Variants in THRB observed in about 807,000 individuals in gnomAD.
THRB encodes the protein nuclear receptor subfamily 1 group A member 2.
A neutral mutation model predicts 47.8 loss-of-function variants in THRB; 12 were observed. The observed-to-expected ratio is 0.25, with a 90% CI of 0.16 to 0.41. THRB has a LOEUF of 0.41. Ranked by LOEUF, THRB falls within the 10% of genes least tolerant of loss-of-function variation. The pLI is 1.00. For missense variants in THRB, 348 were observed against 589.2 expected (o/e 0.59, Z 4.24); for synonymous variants, 218 against 212.2 (o/e 1.03, Z -0.24).
chr3:24,306,396 T>C (rs2057337341), intron 2 of THRB, among the ~76,000 whole-genome samples: 1 of 152,202 alleles, frequency 6.6e-6, no homozygotes. Context: ...AGGGCTCTGG[T>C]TCCTCACAGT....
intron 3 of THRB, among the ~76,000 whole-genome samples, chr3:24,285,569 A>G (rs1262441030): frequency 6.6e-6 from 1 of 151,454 alleles, no homozygotes; most frequent in Admixed American, 6.6e-5. Context: ...GTACCCTAAA[A>G]CTTAAAGTAT....
At chr3:24,186,678 G>A (rs770686976) in intron 5 of THRB, among the ~76,000 whole-genome samples, 1 of 152,152 alleles carries the variant, frequency 6.6e-6, no homozygotes, top group African/African-American at 2.4e-5. Context: ...GGGTGCAGTG[G>A]CTCATGCCTG....
rs115346667 is a variant in THRB, at chr3:24,482,201, G to A, written c.-261+12451C>T. Among the ~76,000 whole-genome samples the A allele has an allele frequency of 4.5e-3, 692 of 152,228 alleles. 5 individuals carry two copies. Among genetic ancestry groups the A allele is most frequent in the African/African-American group, 0.015 (610 of 41,528 alleles). On this transcript the variant is annotated intron_variant, in intron 1 of 10. Coordinates refer to ENST00000646209, the MANE Select transcript of THRB (RefSeq NM_001354712.2). ...CAACAAAATTAATTTTACTACTTCC[G>A]TAATAATGAAATAGTAATAAAATTG...
At chr3:24,268,921 T>C (rs533434508) in intron 3 of THRB, among the ~76,000 whole-genome samples, 123 of 152,334 alleles carry the variant, frequency 8.1e-4, no homozygotes, top group African/African-American at 2.7e-3. Flanking sequence ...GAAAATTTCT[T>C]ACATACTTTT....
intron 1 of THRB, among the ~76,000 whole-genome samples, chr3:24,415,588 T>C (rs2068668772): frequency 6.6e-6 from 1 of 151,896 alleles, no homozygotes; most frequent in African/African-American, 2.4e-5. Flanking sequence ...GGACTGTTAC[T>C]GAACAATTTT....
chr3:24,363,603 A>T (rs970097607), intron 1 of THRB, among the ~76,000 whole-genome samples: 7 of 152,176 alleles, frequency 4.6e-5, no homozygotes, highest in African/African-American at 1.7e-4. Context: ...ATCAAAAAAA[A>T]TTTTTCAAAC....
intron 3 of THRB, among the ~76,000 whole-genome samples, chr3:24,234,620 C>T (rs953006882): frequency 3.3e-5 from 5 of 152,174 alleles, no homozygotes; most frequent in African/African-American, 1.2e-4. Context: ...GAGCCCACTC[C>T]TGCAAGGCTT....
intron 1 of THRB, among the ~76,000 whole-genome samples, chr3:24,462,565 G>A (rs1175372656): frequency 6.6e-6 from 1 of 152,164 alleles, no homozygotes; most frequent in African/African-American, 2.4e-5. Context: ...ACATAGTAAA[G>A]AAATCAATTT....
At chr3:24,144,037 A>G in intron 7 of THRB, 1 of 355,080 alleles carries the variant, frequency 2.8e-6, no homozygotes, top group East Asian at 6.2e-5. Flanking sequence ...TACTACCCAC[A>G]AGATCACAGA....
At chr3:24,465,765 A>C (rs1275630392) in intron 1 of THRB, among the ~76,000 whole-genome samples, 1 of 152,144 alleles carries the variant, frequency 6.6e-6, no homozygotes, top group Non-Finnish European at 1.5e-5. Context: ...TTTCATCAGC[A>C]CTATCTTCAA....
chr3:24,335,873 C>A (rs1041615457), intron 2 of THRB, among the ~76,000 whole-genome samples: 1 of 151,980 alleles, frequency 6.6e-6, no homozygotes, highest in South Asian at 2.1e-4. Context: ...TTGGGAGGTG[C>A]CCCCAGTTTC....
chr3:24,272,783 T>A (rs59525760), intron 3 of THRB, among the ~76,000 whole-genome samples: 2,076 of 152,310 alleles, frequency 0.014, 43 homozygotes, highest in African/African-American at 0.047. Flanking sequence ...TTCAGATCCT[T>A]AGCACTAAGC....
rs190457932 is a variant in THRB, at chr3:24,228,841, G to A, written c.22+97C>T. On this transcript the variant is annotated intron_variant, in intron 4 of 10. Coordinates refer to ENST00000646209, the MANE Select transcript of THRB (RefSeq NM_001354712.2). The stretch of plus-strand genomic sequence containing the variant: ...ACTTATTGGTTTGGAAATAACGGTT[G>A]CTAAAACTCGCAAGTTAATCTTTAA... 56 of 1,141,000 alleles carry A rather than the reference G, an allele frequency of 4.9e-5. No individual in the cohort carries two copies. The Admixed American group carries it at 8.8e-4, about 18-fold the overall frequency. The allele number at this position is 1,141,000 out of a possible 1,614,324, so 70.7% of individuals were successfully genotyped here. A position where few individuals can be genotyped will look rare whatever the true frequency, so the allele number is the denominator to read the frequency against.
In THRB at chr3:24,268,950, G is replaced by T. The variant is rs190762102; in HGVS notation, c.-43+28276C>A. 1.6e-4 allele frequency among the ~76,000 whole-genome samples: 25 copies of T among 152,238 alleles called. 1 individual carries two copies. The highest frequency in any genetic ancestry group is 5.8e-4 in the African/African-American group (24 of 41,536). Reference sequence around the variant, plus strand: ...TACTTTTAGCACTGGCATTATTAATGTAAATTCCCCTTCTGGGTAGGCACC... The same window carrying T: ...TACTTTTAGCACTGGCATTATTAATTTAAATTCCCCTTCTGGGTAGGCACC... On this transcript the variant is annotated intron_variant, in intron 3 of 10. Coordinates refer to ENST00000646209, the MANE Select transcript of THRB (RefSeq NM_001354712.2).
At chr3:24,354,533 A>C (rs2063551101) in intron 1 of THRB, among the ~76,000 whole-genome samples, 1 of 152,172 alleles carries the variant, frequency 6.6e-6, no homozygotes, top group Admixed American at 6.6e-5. Flanking sequence ...AACATCTTAG[A>C]GTGTCTGCCA....
At chr3:24,454,046 C>T (rs765664262) in intron 1 of THRB, among the ~76,000 whole-genome samples, 7 of 151,930 alleles carry the variant, frequency 4.6e-5, no homozygotes, top group African/African-American at 9.7e-5. Context: ...AAATATAAAA[C>T]GAAATAAAAA....
At chr3:24,341,693 T>G (rs1268110967) in intron 1 of THRB, among the ~76,000 whole-genome samples, 1 of 152,238 alleles carries the variant, frequency 6.6e-6, no homozygotes, top group East Asian at 1.9e-4. Flanking sequence ...TTTGGCCATG[T>G]GACTTGCTTT....
At chr3:24,492,517 C>T (rs1280516273) in intron 1 of THRB, among the ~76,000 whole-genome samples, 2 of 152,172 alleles carry the variant, frequency 1.3e-5, no homozygotes, top group African/African-American at 2.4e-5. Context: ...ATCACCTTTA[C>T]TCTGATTTCC....
chr3:24,299,825 C>T (rs2056805686), intron 2 of THRB, among the ~76,000 whole-genome samples: 1 of 127,200 alleles, frequency 7.9e-6, no homozygotes, highest in Admixed American at 9.4e-5. Flanking sequence ...AGAGTTTATA[C>T]CTTTAAATGC....
Sources: gnomAD v4.1 joint callset for allele counts (sites outside exome capture counted in the v4.1 genomes callset) on GRCh38, gnomAD v4.1.1 for gene constraint, MANE v1.5 for transcripts, NCBI Gene and HGNC (gene_info 2026-07-23, HGNC 2026-07-21) for gene names.